Variants in PFDN5 observed in about 807,000 individuals in gnomAD.
The protein encoded by PFDN5 is prefoldin subunit 5.
Under a neutral mutation model 21.5 loss-of-function variants are expected in PFDN5, and 13 were observed. The observed-to-expected ratio is 0.60, with a 90% CI of 0.39 to 0.96. PFDN5 has a LOEUF of 0.96. PFDN5 is among the 40% of genes least tolerant of loss of function. The pLI, the probability that PFDN5 is intolerant of heterozygous loss-of-function variation, is 0.00. For synonymous variants in PFDN5, 84 were observed against 68.9 expected (o/e 1.22, Z -1.08); for missense variants, 188 against 186.2 (o/e 1.01, Z -0.06).
intron 3 of PFDN5, 140 bp downstream of exon 3, chr12:53,296,415 T>G: frequency 1.5e-6 from 1 of 681,650 alleles, no homozygotes; most frequent in Non-Finnish European, 2.6e-6. Flanking sequence ...TTTTTTTTTT[T>G]CTTTCTTTTT....
At position 53,295,554 on chromosome 12, in the gene PFDN5, T is replaced by C. The variant is rs775101236; in HGVS notation, c.-14T>C. 3 of 1,609,288 alleles carry C rather than the reference T, an allele frequency of 1.9e-6. No homozygotes were observed. Among genetic ancestry groups the C allele is most frequent in the Non-Finnish European group, 2.5e-6 (3 of 1,176,562 alleles). The stretch of plus-strand genomic sequence containing the variant: ...GCCGAGAGACTTCCTCTTCGTTAAG[T>C]CGGCCTTCCCAACATGGCGCAGTCT... On this transcript the variant is annotated 5_prime_UTR_variant, in exon 1 of 6. Coordinates refer to ENST00000334478, the MANE Select transcript of PFDN5 (RefSeq NM_002624.4).
chr12:53,298,313 C>G (rs1044881934), intron 5 of PFDN5, 163 bp downstream of exon 5: 4 of 569,518 alleles, frequency 7.0e-6, no homozygotes, highest in South Asian at 6.4e-5. Context: ...TCTGTAGATT[C>G]CTGGGTTGAG....
intron 3 of PFDN5, 193 bp from the exon 4 acceptor site, chr12:53,297,657 C>A (rs1182054765): frequency 1.7e-6 from 1 of 577,404 alleles, no homozygotes; most frequent in Non-Finnish European, 3.1e-6. Context: ...ATCATTTTCT[C>A]CTTAAAGAAC....
At position 53,299,272 on chromosome 12, in the gene PFDN5, T is replaced by TCATGGAAATGATGAGTCAGAAGCTCA; in HGVS notation, c.414_415insCTCACATGGAAATGATGAGTCAGAAG (p.Ile139LeufsTer5). 6.2e-7 allele frequency: 1 copy of TCATGGAAATGATGAGTCAGAAGCTCA among 1,609,892 alleles called. No homozygotes were observed. Among genetic ancestry groups the TCATGGAAATGATGAGTCAGAAGCTCA allele is most frequent in the Non-Finnish European group, 8.5e-7 (1 of 1,176,674 alleles). On this transcript the variant is annotated frameshift_variant, in exon 6 of 6. Transcript: ENST00000334478. LOFTEE classifies it high-confidence loss of function. ...TGACTCTTATTTTTTTCCACAGCCG[T>TCATGGAAATGATGAGTCAGAAGCTCA]CATGGAAATGATGAGTCAGAAGATT...
At chr12:53,298,433 C>A in intron 5 of PFDN5, 1 of 318,480 alleles carries the variant, frequency 3.1e-6, no homozygotes, top group Non-Finnish European at 6.1e-6. Flanking sequence ...AATCATGATC[C>A]AAACGAACTA....
At chr12:53,299,136 CAA>C (rs5798261) in intron 5 of PFDN5, 131 bp from the exon 6 acceptor site, 2,202 of 353,610 alleles carry the variant, frequency 6.2e-3, no homozygotes, top group East Asian at 9.3e-3. Context: ...GATTCTGTCT[CAA>C]AAAAAAAAAA....
Position 53,295,698 on chromosome 12 carries a change from A to G in PFDN5, c.72+59A>G, listed in dbSNP as rs1944141447. ...CTCTACATCCCCCTTGCCCACGCGT[A>G]CTTCTCGCGCCCGGTTCCAAGTTGG... On this transcript the variant is annotated intron_variant, in intron 1 of 5. Transcript: ENST00000334478. The G allele has an allele frequency of 3.6e-5, 53 of 1,479,578 alleles. No individual in the cohort carries two copies. In the South Asian group the frequency reaches 5.7e-4, roughly 16 times the overall value. The allele number at this position is 1,479,578 out of a possible 1,614,324, so 91.7% of individuals were successfully genotyped here.
chr12:53,299,177 C>T (rs919576846), intron 5 of PFDN5, 92 bp from the exon 6 acceptor site: 12 of 743,012 alleles, frequency 1.6e-5, no homozygotes, highest in South Asian at 4.5e-5. Flanking sequence ...TGTAGTTAGT[C>T]GGTCGCCTGT....
chr12:53,299,163 A>C, intron 5 of PFDN5, 106 bp from the exon 6 acceptor site: 1 of 628,626 alleles, frequency 1.6e-6, no homozygotes. Flanking sequence ...GGTTATTAAC[A>C]AACTGTAGTT....
At position 53,295,566 on chromosome 12, in the gene PFDN5, A is replaced by G. The variant is rs759652856; in HGVS notation, c.-2A>G. On this transcript the variant is annotated 5_prime_UTR_variant, in exon 1 of 6. Coordinates refer to ENST00000334478, the MANE Select transcript of PFDN5 (RefSeq NM_002624.4). ...CCTCTTCGTTAAGTCGGCCTTCCCA[A>G]CATGGCGCAGTCTATTAACATCACG... 6.8e-6 allele frequency: 11 copies of G among 1,612,908 alleles called. No individual in the cohort carries two copies. Among genetic ancestry groups the G allele is most frequent in the Middle Eastern group, 1.6e-4 (1 of 6,082 alleles).
intron 3 of PFDN5, 186 bp from the exon 4 acceptor site, chr12:53,297,664 G>A: frequency 1.7e-6 from 1 of 587,274 alleles, no homozygotes; most frequent in South Asian, 2.0e-5. Context: ...TCTCCTTAAA[G>A]AACCAACTTC....
At chr12:53,299,151 A>AG in intron 5 of PFDN5, 118 bp from the exon 6 acceptor site, 1 of 527,120 alleles carries the variant, frequency 1.9e-6, no homozygotes, top group Non-Finnish European at 3.5e-6. Context: ...AAAAAAAAAA[A>AG]AGGTTATTAA....
chr12:53,296,611 T>C (rs1944155068), intron 3 of PFDN5: 1 of 388,556 alleles, frequency 2.6e-6, no homozygotes. Context: ...GGTTTCACCA[T>C]ATTGGCCAGG....
Position 53,295,659 on chromosome 12 carries a change from G to GCAC in PFDN5, c.72+22_72+24dup. ...GACCAGGTGGGGACGGGCCCCAGAGGCACCTCTTTCCTGCTCTACATCCCC... is the reference window on the plus strand; with the variant it reads ...GACCAGGTGGGGACGGGCCCCAGAGGCACCACCTCTTTCCTGCTCTACATCCCC... On this transcript the variant is annotated intron_variant, in intron 1 of 5. Coordinates refer to ENST00000334478, the MANE Select transcript of PFDN5 (RefSeq NM_002624.4). 3.1e-6 allele frequency: 5 copies of GCAC among 1,604,462 alleles called. No individual in the cohort carries two copies. The highest frequency in any genetic ancestry group is 4.3e-6 in the Non-Finnish European group (5 of 1,171,240).
chr12:53,298,280 A>C, intron 5 of PFDN5, 130 bp downstream of exon 5: 3 of 666,186 alleles, frequency 4.5e-6, no homozygotes, highest in Non-Finnish European at 8.3e-6. Flanking sequence ...CATCTTTAGA[A>C]TCTGTGTATT....
rs752760793 is a variant in PFDN5, at chr12:53,295,643, G to A, written c.72+4G>A. On this transcript the variant is annotated splice_donor_region_variant and intron_variant, in intron 1 of 5. Transcript: ENST00000334478. Reference sequence around the variant, plus strand: ...GCTCAAGAACCAGCTGGACCAGGTGGGGACGGGCCCCAGAGGCACCTCTTT... The same window carrying A: ...GCTCAAGAACCAGCTGGACCAGGTGAGGACGGGCCCCAGAGGCACCTCTTT... The A allele has an allele frequency of 1.9e-6, 3 of 1,612,688 alleles. No individual in the cohort carries two copies. The highest frequency in any genetic ancestry group is 4.5e-5 in the East Asian group (2 of 44,884).
intron 5 of PFDN5, 130 bp downstream of exon 5, chr12:53,298,280 A>G: frequency 1.5e-6 from 1 of 666,186 alleles, no homozygotes; most frequent in East Asian, 2.6e-5. Flanking sequence ...CATCTTTAGA[A>G]TCTGTGTATT....
At position 53,297,931 on chromosome 12, in the gene PFDN5, G is replaced by A. The variant is rs1944174803; in HGVS notation, c.282+7G>A. ...TGGGTACTATGTAGAGAAGGTGAGT[G>A]AGAGCATGTGGATGCCCCTCTAAAC... On this transcript the variant is annotated splice_region_variant and intron_variant, in intron 4 of 5. Coordinates refer to ENST00000334478, the MANE Select transcript of PFDN5 (RefSeq NM_002624.4). 6.2e-7 allele frequency: 1 copy of A among 1,608,958 alleles called. No individual in the cohort carries two copies. The highest frequency in any genetic ancestry group is 8.5e-7 in the Non-Finnish European group (1 of 1,175,376).
intron 2 of PFDN5, 126 bp downstream of exon 2, chr12:53,296,067 C>A (rs1391771455): frequency 1.3e-6 from 1 of 772,646 alleles, no homozygotes; most frequent in Non-Finnish European, 2.3e-6. Context: ...CTTCATGAAC[C>A]CTTTGCATGT....
Sources: allele counts gnomAD v4.1 joint callset, GRCh38; gene constraint gnomAD v4.1.1; transcripts MANE v1.5; gene names NCBI Gene and HGNC (gene_info 2026-07-23, HGNC 2026-07-21).